Variants in SNRNP200 observed in about 807,000 individuals in gnomAD.
SNRNP200 encodes small nuclear ribonucleoprotein U5 subunit 200, also known as U5 small nuclear ribonucleoprotein 200 kDa helicase.
SNRNP200 carries 66 observed loss-of-function variants against 255.2 expected under a neutral mutation model. The observed-to-expected ratio is 0.26, with a 90% confidence interval of 0.21 to 0.32. SNRNP200 has a LOEUF of 0.32. Ranked by LOEUF, SNRNP200 falls within the 10% of genes least tolerant of loss-of-function variation. SNRNP200 has a pLI of 1.00. For missense variants in SNRNP200, 1,585 were observed against 2,749.8 expected, an observed-to-expected ratio of 0.58 and a Z score of 9.47; for synonymous variants, 939 against 1,027.8, an observed-to-expected ratio of 0.91 and a Z score of 1.65.
intron 35 of SNRNP200, 154 bp from the exon 36 acceptor site, chr2:96,279,713 A>C (rs752031317): frequency 1.5e-6 from 1 of 668,368 alleles, no homozygotes; most frequent in Non-Finnish European, 2.7e-6. Flanking sequence ...CTCTGCACTT[A>C]CAACTAGCTT....
Position 96,278,154 on chromosome 2 carries a change from G to T in SNRNP200, c.5610+83C>A. 1.9e-6 allele frequency: 3 copies of T among 1,602,232 alleles called. No homozygotes were observed. The highest frequency in any genetic ancestry group is 1.7e-6 in the Non-Finnish European group (2 of 1,170,278). ...GTCGGGGGATGCGTATGGGCGTGTT[G>T]GTGGCAGGGATGCCATGTGCTCTGG... On this transcript the variant is annotated intron_variant, in intron 39 of 44. Transcript: ENST00000323853. The surrounding 1 kb of genome is among the most constrained non-coding windows in gnomAD (Gnocchi z 6.9).
At chr2:96,276,330 C>T (rs915801095) in intron 43 of SNRNP200, 5 of 159,662 alleles carry the variant, frequency 3.1e-5, no homozygotes, top group African/African-American at 1.2e-4. Context: ...GTCCTGCAGC[C>T]ATCGGAGTTA....
intron 24 of SNRNP200, among the ~76,000 whole-genome samples, chr2:96,288,287 T>G (rs1253720378): frequency 6.6e-6 from 1 of 152,210 alleles, no homozygotes; most frequent in Non-Finnish European, 1.5e-5. Context: ...TGACCTGTTC[T>G]TAGAGGTAAA....
In SNRNP200 at chr2:96,297,541, G is replaced by A. The variant is rs1162326180; in HGVS notation, c.1204-5C>T. The stretch of plus-strand genomic sequence containing the variant: ...AACCTGCCGTGGAGCCAGTGCCTGG[G>A]AATGTGAAAGACAAAAACACAAAGG... On this transcript the variant is annotated splice_polypyrimidine_tract_variant and splice_region_variant and intron_variant, in intron 10 of 44. Transcript: ENST00000323853. The A allele has an allele frequency of 1.9e-6, 3 of 1,614,010 alleles. No individual in the cohort carries two copies. The highest frequency in any genetic ancestry group is 1.3e-5 in the African/African-American group (1 of 74,922).
In SNRNP200 at chr2:96,278,363, C is replaced by G; in HGVS notation, c.5489-5G>C. On this transcript the variant is annotated splice_region_variant and splice_polypyrimidine_tract_variant and intron_variant, in intron 38 of 44. Transcript: ENST00000323853. This position sits in a 1 kb window ranked among gnomAD's most constrained non-coding sequence, Gnocchi z 6.9. Reference sequence around the variant, plus strand: ...TGAGGGACATGCTGAAGAGCTCTGACAGAAAAAGGAAATGTGAGAGAAGCT... The same window carrying G: ...TGAGGGACATGCTGAAGAGCTCTGAGAGAAAAAGGAAATGTGAGAGAAGCT... 1 of 1,614,140 alleles carries G rather than the reference C, an allele frequency of 6.2e-7. No homozygotes were observed. The highest frequency in any genetic ancestry group is 8.5e-7 in the Non-Finnish European group (1 of 1,180,040).
chr2:96,284,392 A>G lies in SNRNP200; in HGVS notation c.4358T>C (p.Val1453Ala). Reference sequence around the variant, plus strand: ...GCCCCCGATAAGGTGGACCTCATCCACCACGAAGAGGTTGATGTTCTGCAC... The same window carrying G: ...GCCCCCGATAAGGTGGACCTCATCCGCCACGAAGAGGTTGATGTTCTGCAC... ...KNVQNINLFV[V>A]DEVHLIGGEN... Residue 1453 changes from valine (V) to alanine (A), a missense_variant, in exon 31 of 45, where the codon GTG becomes GCG. Val to Ala is a moderately conservative substitution (Grantham distance 64, BLOSUM62 0). Around this residue, in one of 9 missense-constraint regions of SNRNP200, gnomAD observed 719 missense variants for 1,091.1 expected, o/e 0.66. Transcript: ENST00000323853. The G allele has an allele frequency of 6.2e-7, 1 of 1,614,068 alleles. No homozygotes were observed. Among genetic ancestry groups the G allele is most frequent in the Non-Finnish European group, 8.5e-7 (1 of 1,180,008 alleles).
chr2:96,287,418 G>A lies in SNRNP200; in HGVS notation c.3484+21C>T. 6.5e-7 allele frequency: 1 copy of A among 1,542,418 alleles called. No homozygotes were observed. Among genetic ancestry groups the A allele is most frequent in the South Asian group, 1.1e-5 (1 of 89,582 alleles). On this transcript the variant is annotated intron_variant, in intron 26 of 44. Coordinates refer to ENST00000323853, the MANE Select transcript of SNRNP200 (RefSeq NM_014014.5). This position sits in a 1 kb window ranked among gnomAD's most constrained non-coding sequence, Gnocchi z 5.7. Reference sequence around the variant, plus strand: ...AGAGACACCCAGGCAGTGAGGACAAGGGCGAGAGCATCCCACACACCAATC... The same window carrying A: ...AGAGACACCCAGGCAGTGAGGACAAAGGCGAGAGCATCCCACACACCAATC...
intron 5 of SNRNP200, among the ~76,000 whole-genome samples, chr2:96,299,777 C>T (rs1489406385): frequency 1.3e-5 from 2 of 152,124 alleles, no homozygotes; most frequent in Non-Finnish European, 2.9e-5. Context: ...GGTGGTGACT[C>T]CGGAATGAAG....
In SNRNP200 at chr2:96,277,424, G is replaced by A. The variant is rs906919223; in HGVS notation, c.5931+115C>T. 22 of 1,375,166 alleles carry A rather than the reference G, an allele frequency of 1.6e-5. No homozygotes were observed. Among genetic ancestry groups the A allele is most frequent in the African/African-American group, 2.8e-5 (2 of 70,274 alleles). The allele number at this position is 1,375,166 out of a possible 1,614,324, so 85.2% of individuals were successfully genotyped here. On this transcript the variant is annotated intron_variant, in intron 41 of 44. Coordinates refer to ENST00000323853, the MANE Select transcript of SNRNP200 (RefSeq NM_014014.5). This position sits in a 1 kb window ranked among gnomAD's most constrained non-coding sequence, Gnocchi z 4.4. ...CATCTCAACAGGGAGCACCTTCGGA[G>A]GAACCATAACTAAAAGTTTAACTTA...
chr2:96,279,705 C>A (rs1684727485), intron 35 of SNRNP200, 146 bp from the exon 36 acceptor site: 2 of 676,182 alleles, frequency 3.0e-6, no homozygotes, highest in East Asian at 2.8e-5. Flanking sequence ...TTATGAATCT[C>A]TGCACTTACA....
intron 43 of SNRNP200, 146 bp from the exon 44 acceptor site, chr2:96,275,495 T>A: frequency 2.7e-6 from 2 of 748,628 alleles, no homozygotes; most frequent in Non-Finnish European, 4.7e-6. Flanking sequence ...TTTAACATTT[T>A]AATACTATCA....
rs761562264 is a variant in SNRNP200 at position 96,287,604 on chromosome 2, G to C, written c.3366-47C>G. 7.2e-7 allele frequency: 1 copy of C among 1,379,984 alleles called. No individual in the cohort carries two copies. The highest frequency in any genetic ancestry group is 1.0e-6 in the Non-Finnish European group (1 of 966,482). 85.5% of individuals were successfully genotyped at this position (1,379,984 alleles called of 1,614,324 possible). ...CTGTTGGTCCCTTCTGCAGGGATGT[G>C]ACAAACCACCCACTTCATGGCTTCC... On this transcript the variant is annotated intron_variant, in intron 25 of 44. Transcript: ENST00000323853. The surrounding 1 kb of genome is among the most constrained non-coding windows in gnomAD (Gnocchi z 5.7).
rs774343092 is a variant in SNRNP200 at position 96,304,740 on chromosome 2, C to A, written c.174G>T (p.Arg58=). 1 of 1,614,156 alleles carries A rather than the reference C, an allele frequency of 6.2e-7. No homozygotes were observed. Among genetic ancestry groups the A allele is most frequent in the Admixed American group, 1.7e-5 (1 of 60,020 alleles). The change falls in exon 2 of 45, where the codon CGG becomes CGT. Residue 58 remains arginine (R), a synonymous_variant. Coordinates refer to ENST00000323853, the MANE Select transcript of SNRNP200 (RefSeq NM_014014.5). ...TTTCCTCCTGCATCTGCGGTTTGGT[C>A]CGTTGAGCCTTGTCTCCCATACGGG... is the stretch of plus-strand genomic sequence containing the variant. The part of the protein sequence containing the change: ...EGTRMGDKAQ[R]TKPQMQEERR...
At chr2:96,288,512 A>G in intron 24 of SNRNP200, 151 bp downstream of exon 24, 2 of 717,760 alleles carry the variant, frequency 2.8e-6, no homozygotes, top group Non-Finnish European at 5.0e-6. Context: ...GCTGTACCAC[A>G]CATGCACCAA....
chr2:96,279,776 G>T (rs1200016136), intron 35 of SNRNP200: 2 of 541,468 alleles, frequency 3.7e-6, no homozygotes, highest in Non-Finnish European at 6.7e-6. Flanking sequence ...CCATGAATTT[G>T]CTGCTCAAGT....
intron 31 of SNRNP200, 56 bp from the exon 32 acceptor site, chr2:96,284,060 T>A: frequency 6.7e-7 from 1 of 1,502,430 alleles, no homozygotes; most frequent in Non-Finnish European, 9.1e-7. Flanking sequence ...ATCCTCTGCC[T>A]GGAGGTCCCC....
chr2:96,281,742 C>T, intron 35 of SNRNP200, 72 bp downstream of exon 35: 1 of 1,182,330 alleles, frequency 8.5e-7, no homozygotes. Context: ...AGCTTACTTT[C>T]TGTGTATCTG....
chr2:96,285,491 C>T, intron 29 of SNRNP200, 151 bp from the exon 30 acceptor site: 2 of 814,724 alleles, frequency 2.5e-6, no homozygotes, highest in Non-Finnish European at 4.0e-6. Flanking sequence ...ATCCAAGCCT[C>T]TAACTCCAGG....
intron 30 of SNRNP200, 176 bp from the exon 31 acceptor site, chr2:96,284,761 T>TA: frequency 6.5e-6 from 4 of 613,314 alleles, no homozygotes; most frequent in Non-Finnish European, 1.1e-5. Flanking sequence ...TTTTTTTTTT[T>TA]CTTTTGAGAT....
Sources: allele counts gnomAD v4.1 joint callset (sites outside exome capture counted in the v4.1 genomes callset), GRCh38; gene constraint gnomAD v4.1.1; regional missense constraint gnomAD v4.1.1; non-coding constraint Gnocchi (gnomAD v3.1); transcripts MANE v1.5; gene names NCBI Gene and HGNC (gene_info 2026-07-23, HGNC 2026-07-21).